Variants in BRDT observed in about 807,000 individuals in gnomAD.
BRDT encodes bromodomain testis-specific protein.
In BRDT, 77 loss-of-function variants were observed where a neutral mutation model predicts 113.9. The observed-to-expected ratio is 0.68, with a 90% confidence interval of 0.56 to 0.82. The LOEUF (loss-of-function observed/expected upper bound fraction) is 0.82, where lower values mean the gene tolerates loss of function less well. Among genes scored for constraint, BRDT ranks in the 40% least tolerant of loss-of-function variants. The probability of loss-of-function intolerance (pLI) is 0.00; values close to 1 mark genes in which losing one functional copy is unlikely to be tolerated. For synonymous variants in BRDT, 358 were observed against 366.5 expected (o/e 0.98, Z 0.26); for missense variants, 1,027 against 1,105.4 (o/e 0.93, Z 1.01).
At chr1:92,004,747 CA>C (rs2101809193) in intron 17 of BRDT, 128 bp downstream of exon 17, 1 of 776,612 alleles carries the variant, frequency 1.3e-6, no homozygotes, top group East Asian at 3.0e-5. Context: ...ATTGTAATTG[CA>C]AAAAGTACAT....
At chr1:92,006,018 T>A (rs1284853341) in intron 18 of BRDT, among the ~76,000 whole-genome samples, 1 of 152,252 alleles carries the variant, frequency 6.6e-6, no homozygotes, top group Admixed American at 6.5e-5. Flanking sequence ...AGTGTTTAGT[T>A]TCCAGATATT....
rs565366776 is a variant in BRDT at position 91,976,553 on chromosome 1, A to T, written c.618+115A>T. 33 of 1,000,118 alleles carry T rather than the reference A, an allele frequency of 3.3e-5. No individual in the cohort carries two copies. In the East Asian group the frequency reaches 9.0e-4, roughly 27 times the overall value. 62.0% of individuals were successfully genotyped at this position (1,000,118 alleles called of 1,614,324 possible). A position where few individuals can be genotyped will look rare whatever the true frequency, so the allele number is the denominator to read the frequency against. On this transcript the variant is annotated intron_variant, in intron 5 of 18. Transcript: ENST00000399546. ...ATTTTTCTTTTTTAATTCATTTAGCATCTAGCAATCTGAAATAATACTGTT... is the reference window on the plus strand; with the variant it reads ...ATTTTTCTTTTTTAATTCATTTAGCTTCTAGCAATCTGAAATAATACTGTT...
At chr1:92,003,859 C>T (rs1356493202) in intron 16 of BRDT, among the ~76,000 whole-genome samples, 1 of 151,920 alleles carries the variant, frequency 6.6e-6, no homozygotes, top group African/African-American at 2.4e-5. Flanking sequence ...TATTAGAAAA[C>T]ATTAAATTAC....
At chr1:91,960,469 T>C (rs1682323103) in intron 1 of BRDT, among the ~76,000 whole-genome samples, 1 of 152,240 alleles carries the variant, frequency 6.6e-6, no homozygotes, top group South Asian at 2.1e-4. Flanking sequence ...TTTGTCACTT[T>C]AATGAAGCAT....
At chr1:91,960,015 A>G (rs1682258992) in intron 1 of BRDT, among the ~76,000 whole-genome samples, 1 of 152,172 alleles carries the variant, frequency 6.6e-6, no homozygotes. Flanking sequence ...CCTCATACCT[A>G]TTAGGATGGC....
intron 13 of BRDT, 117 bp downstream of exon 13, chr1:91,991,362 T>A (rs1685734336): frequency 2.1e-6 from 1 of 475,506 alleles, no homozygotes; most frequent in African/African-American, 2.0e-5. Flanking sequence ...GTTGTCACTG[T>A]TTTTAGCTTA....
At chr1:91,973,854 G>T (rs2101634236) in intron 4 of BRDT, among the ~76,000 whole-genome samples, 1 of 152,254 alleles carries the variant, frequency 6.6e-6, no homozygotes, top group South Asian at 2.1e-4. Flanking sequence ...CCTGTCTTGT[G>T]CAAGTTTTCG....
At chr1:91,970,567 A>G (rs1196980566) in intron 4 of BRDT, among the ~76,000 whole-genome samples, 1 of 152,208 alleles carries the variant, frequency 6.6e-6, no homozygotes, top group Non-Finnish European at 1.5e-5. Flanking sequence ...ATGCATGGCC[A>G]AGAGTGAGAA....
intron 7 of BRDT, among the ~76,000 whole-genome samples, chr1:91,978,531 G>C (rs1300264845): frequency 6.6e-6 from 1 of 152,124 alleles, no homozygotes; most frequent in East Asian, 1.9e-4. Context: ...TCCTTTAGTA[G>C]CGAATCTTTT....
At chr1:91,970,144 T>C (rs1248676147) in intron 4 of BRDT, among the ~76,000 whole-genome samples, 1 of 152,006 alleles carries the variant, frequency 6.6e-6, no homozygotes, top group Non-Finnish European at 1.5e-5. Context: ...TTTAAGTTTT[T>C]TGTTAGAAAT....
intron 16 of BRDT, among the ~76,000 whole-genome samples, chr1:92,002,496 T>A (rs896776147): frequency 1.1e-4 from 17 of 152,166 alleles, no homozygotes; most frequent in African/African-American, 3.6e-4. Flanking sequence ...CCCAAGTAGC[T>A]GGGATTACAG....
At chr1:92,005,421 T>C in intron 18 of BRDT, 122 bp downstream of exon 18, 3 of 857,020 alleles carry the variant, frequency 3.5e-6, no homozygotes, top group Non-Finnish European at 4.9e-6. Flanking sequence ...CTTACCTCTT[T>C]AGTGAGGATC....
chr1:92,005,549 C>T (rs542636192), intron 18 of BRDT, among the ~76,000 whole-genome samples: 7 of 152,106 alleles, frequency 4.6e-5, no homozygotes, highest in Non-Finnish European at 7.4e-5. Flanking sequence ...ATTTTGGAGG[C>T]GGGAGGATCT....
At chr1:92,007,193 T>G (rs934504302) in intron 18 of BRDT, among the ~76,000 whole-genome samples, 2 of 152,160 alleles carry the variant, frequency 1.3e-5, no homozygotes, top group African/African-American at 4.8e-5. Context: ...CTTTCTTCTC[T>G]CTCTCTTTTT....
At chr1:91,963,609 T>A (rs1252761949) in intron 2 of BRDT, among the ~76,000 whole-genome samples, 1 of 152,126 alleles carries the variant, frequency 6.6e-6, no homozygotes, top group Non-Finnish European at 1.5e-5. Flanking sequence ...ACGTTAGGAA[T>A]TTTTAGCCAT....
At chr1:91,977,532 G>A in intron 6 of BRDT, 139 bp downstream of exon 6, 2 of 727,484 alleles carry the variant, frequency 2.7e-6, no homozygotes, top group Middle Eastern at 4.1e-4. Context: ...TGAGTCTCTG[G>A]AAAATTTTAA....
At chr1:91,985,068 GATT>G (rs1016273904) in intron 12 of BRDT, among the ~76,000 whole-genome samples, 1 of 151,656 alleles carries the variant, frequency 6.6e-6, no homozygotes, top group Admixed American at 6.6e-5. Context: ...AATAGGCTTT[GATT>G]ATTATTATTA....
intron 12 of BRDT, among the ~76,000 whole-genome samples, chr1:91,990,057 G>T (rs1423402542): frequency 6.6e-6 from 1 of 152,232 alleles, no homozygotes; most frequent in African/African-American, 2.4e-5. Flanking sequence ...CTGGCTTGGA[G>T]AGACTGATCA....
rs1310233470 is a variant in BRDT, at chr1:91,968,319, T to C, written c.445+59T>C. ...CTCTTTTTTTCCCCTATCTATCTCA[T>C]GTGTGTGTGTAAATCCCTCAAAGGA... is the stretch of plus-strand genomic sequence containing the variant. On this transcript the variant is annotated intron_variant, in intron 4 of 18. Transcript: ENST00000399546. 10 of 1,573,138 alleles carry C rather than the reference T, an allele frequency of 6.4e-6. No individual in the cohort carries two copies. In the East Asian group the frequency reaches 2.1e-4, roughly 33 times the overall value.
Sources: gnomAD v4.1 joint callset for allele counts (sites outside exome capture counted in the v4.1 genomes callset) on GRCh38, gnomAD v4.1.1 for gene constraint, MANE v1.5 for transcripts, NCBI Gene and HGNC (gene_info 2026-07-23, HGNC 2026-07-21) for gene names.